OPHN1: variants seen among roughly 807,000 people sequenced by gnomAD.
OPHN1 encodes oligophrenin-1.
Under a neutral mutation model 60.7 loss-of-function variants are expected in OPHN1, and 11 were observed. That is an observed-to-expected ratio of 0.18 (90% CI 0.11 to 0.30). OPHN1 has a LOEUF of 0.30. OPHN1 is among the 10% of genes least tolerant of loss of function. OPHN1 has a pLI of 1.00. For synonymous variants in OPHN1, 226 were observed against 222.6 expected (o/e 1.02, Z -0.14); for missense variants, 449 against 611.0 (o/e 0.73, Z 2.80).
chrX:68,098,655 T>C (rs2077046625), intron 18 of OPHN1, among the ~76,000 whole-genome samples: 1 of 111,927 alleles, frequency 8.9e-6, no homozygotes, highest in Admixed American at 9.5e-5. Context: ...TGTGTTCCTT[T>C]TAACAGTTTC....
intron 2 of OPHN1, among the ~76,000 whole-genome samples, chrX:68,317,465 G>A (rs919346847): frequency 1.1e-5 from 1 of 93,666 alleles, no homozygotes; most frequent in Non-Finnish European, 2.1e-5. Flanking sequence ...AAGAAGAAGA[G>A]GAGGAGGAGG....
chrX:68,120,990 A>G (rs2077148140), intron 15 of OPHN1, among the ~76,000 whole-genome samples: 2 of 112,339 alleles, frequency 1.8e-5, no homozygotes, highest in African/African-American at 6.5e-5. Flanking sequence ...AAAAATCAAC[A>G]CAAAATGAAT....
intron 15 of OPHN1, among the ~76,000 whole-genome samples, chrX:68,187,821 G>A (rs1253899843): frequency 1.8e-5 from 2 of 111,346 alleles, no homozygotes; most frequent in African/African-American, 6.5e-5. Context: ...TAGAGATGGG[G>A]TTTCACCATG....
intron 2 of OPHN1, among the ~76,000 whole-genome samples, chrX:68,425,593 G>T (rs1344044097): frequency 1.8e-5 from 2 of 110,784 alleles, no homozygotes; most frequent in African/African-American, 6.6e-5. Flanking sequence ...AAGCTGCAAA[G>T]GTACCCCAAA....
At chrX:68,106,103 GAA>G (rs2077080571) in intron 18 of OPHN1, among the ~76,000 whole-genome samples, 1 of 81,568 alleles carries the variant, frequency 1.2e-5, no homozygotes, top group South Asian at 7.0e-4. Flanking sequence ...GAGAGAGAGA[GAA>G]GAGAGAGAGA....
chrX:68,081,550 A>AT (rs1328045708), intron 19 of OPHN1, among the ~76,000 whole-genome samples: 6 of 111,717 alleles, frequency 5.4e-5, no homozygotes, highest in Non-Finnish European at 9.4e-5. Context: ...GAGCCACACA[A>AT]TTTTTTCTGG....
chrX:68,283,578 T>C (rs1286748334), intron 3 of OPHN1, among the ~76,000 whole-genome samples: 2 of 111,589 alleles, frequency 1.8e-5, no homozygotes, highest in Non-Finnish European at 3.8e-5. Flanking sequence ...CTTTCCACCC[T>C]CCCAAACTTT....
At chrX:68,118,344 A>G (rs2077136182) in intron 16 of OPHN1, among the ~76,000 whole-genome samples, 1 of 112,236 alleles carries the variant, frequency 8.9e-6, no homozygotes, top group East Asian at 2.8e-4. Context: ...ACCCTCCAAT[A>G]ACAGTTCTTT....
intron 2 of OPHN1, among the ~76,000 whole-genome samples, chrX:68,432,018 T>C (rs1049892052): frequency 9.1e-6 from 1 of 110,445 alleles, no homozygotes. Context: ...TGGGGATGTT[T>C]ATTATTCTTT....
chrX:68,226,328 T>A lies in OPHN1; in HGVS notation c.486+8159A>T, dbSNP rs1448119811. Among the ~76,000 whole-genome samples the A allele has an allele frequency of 4.5e-5, 5 of 111,726 alleles. No individual in the cohort carries two copies. The South Asian group carries it at 1.1e-3, about 25-fold the overall frequency. On this transcript the variant is annotated intron_variant, in intron 6 of 24. Coordinates refer to ENST00000355520, the MANE Select transcript of OPHN1 (RefSeq NM_002547.3). ...TCTGCAGGATATTATCCAGGAGAAC[T>A]TCCCCAATCTAGCAAGGCAGGCCAA...
chrX:68,429,066 C>A (rs762775674), intron 2 of OPHN1, among the ~76,000 whole-genome samples: 1 of 111,651 alleles, frequency 9.0e-6, no homozygotes, highest in Non-Finnish European at 1.9e-5. Flanking sequence ...CCATTAATTT[C>A]TTTGAGCCTC....
chrX:68,267,235 GCAC>G (rs1324057424), intron 5 of OPHN1, among the ~76,000 whole-genome samples: 6 of 111,265 alleles, frequency 5.4e-5, no homozygotes, highest in Non-Finnish European at 1.1e-4. Flanking sequence ...ATTCTTCTCA[GCAC>G]CACACCACAC....
At position 68,297,040 on chromosome X, in the gene OPHN1, C is replaced by A. The variant is rs184790046; in HGVS notation, c.250+1961G>T. Among the ~76,000 whole-genome samples, 22 of 111,297 alleles carry A rather than the reference C, an allele frequency of 2.0e-4. No homozygotes were observed. The Admixed American group carries it at 2.0e-3, about 10-fold the overall frequency. On this transcript the variant is annotated intron_variant, in intron 3 of 24. Transcript: ENST00000355520. ...ATAAAGGAAGACATGAGAAAAGTCT[C>A]AGATCTGTTGGTGGCTTTGGTATCA... is the stretch of plus-strand genomic sequence containing the variant.
At chrX:68,071,267 G>C (rs2076933136) in intron 20 of OPHN1, 1 of 703,171 alleles carries the variant, frequency 1.4e-6, no homozygotes, top group Non-Finnish European at 2.3e-6. Context: ...TGGGCTCTGT[G>C]AGCAGTGCCA....
chrX:68,282,925 C>T, intron 4 of OPHN1, 131 bp downstream of exon 4: 2 of 510,559 alleles, frequency 3.9e-6, no homozygotes, highest in East Asian at 3.7e-5. Context: ...TATTACCTAA[C>T]TATTTTTATA....
chrX:68,416,452 A>T (rs1403951879), intron 2 of OPHN1, among the ~76,000 whole-genome samples: 1 of 111,506 alleles, frequency 9.0e-6, no homozygotes, highest in Non-Finnish European at 1.9e-5. Flanking sequence ...AAAGACAGAC[A>T]GTCAAAAAGG....
chrX:68,383,374 C>T (rs1440801833), intron 2 of OPHN1, among the ~76,000 whole-genome samples: 2 of 109,198 alleles, frequency 1.8e-5, no homozygotes, highest in Non-Finnish European at 3.8e-5. Flanking sequence ...GGCAGATCAC[C>T]TGAGGTCAGG....
At chrX:68,280,289 GT>G (rs988877050) in intron 4 of OPHN1, among the ~76,000 whole-genome samples, 1 of 111,813 alleles carries the variant, frequency 8.9e-6, no homozygotes, top group Non-Finnish European at 1.9e-5. Flanking sequence ...ACACGTCCAT[GT>G]TTACTATGTT....
At chrX:68,132,972 C>T (rs1009462534) in intron 15 of OPHN1, 195 of 457,073 alleles carry the variant, frequency 4.3e-4, no homozygotes, top group Non-Finnish European at 6.9e-4. Context: ...AGCCCCACTC[C>T]GGGCCTCAGG....
Sources: gnomAD v4.1 joint callset for allele counts (sites outside exome capture counted in the v4.1 genomes callset) on GRCh38, gnomAD v4.1.1 for gene constraint, MANE v1.5 for transcripts, NCBI Gene and HGNC (gene_info 2026-07-23, HGNC 2026-07-21) for gene names.